Variants in RALYL observed in about 807,000 individuals in gnomAD.
The protein encoded by RALYL is RALY RNA binding protein like.
RALYL carries 29 observed loss-of-function variants against 35.1 expected under a neutral mutation model. The observed-to-expected ratio is 0.83, with a 90% CI of 0.61 to 1.13. RALYL has a LOEUF of 1.13. Ranked by LOEUF, RALYL falls within the 50% of genes most tolerant of loss-of-function variation. RALYL has a pLI of 0.00. For missense variants in RALYL, 359 were observed against 360.4 expected (o/e 1.00, Z 0.03); for synonymous variants, 120 against 127.6 (o/e 0.94, Z 0.40).
chr8:84,901,869 A>C (rs1403418145), intron 8 of RALYL, among the ~76,000 whole-genome samples: 1 of 152,132 alleles, frequency 6.6e-6, no homozygotes, highest in Non-Finnish European at 1.5e-5. Flanking sequence ...TGAGGGCAAG[A>C]GTGGGAATTT....
chr8:84,412,291 G>T (rs2132193672), intron 1 of RALYL, among the ~76,000 whole-genome samples: 1 of 152,010 alleles, frequency 6.6e-6, no homozygotes, highest in East Asian at 1.9e-4. Context: ...GGCAAGCTGA[G>T]ATTCTTAGAG....
chr8:84,704,340 G>A lies in RALYL; in HGVS notation c.257-70239G>A, dbSNP rs142742029. ...CTCAGGAGGCTGAGGCAGGAGAATCGCTTGAACCTGGGAGGCAGAGTTTGC... is the reference window on the plus strand; with the variant it reads ...CTCAGGAGGCTGAGGCAGGAGAATCACTTGAACCTGGGAGGCAGAGTTTGC... On this transcript the variant is annotated intron_variant, in intron 2 of 8. Transcript: ENST00000521268. 1.2e-4 allele frequency among the ~76,000 whole-genome samples: 18 copies of A among 151,960 alleles called. No individual in the cohort carries two copies. The South Asian group carries it at 3.1e-3, about 26-fold the overall frequency.
intron 1 of RALYL, among the ~76,000 whole-genome samples, chr8:84,221,999 TG>T (rs1264050551): frequency 6.6e-6 from 1 of 152,092 alleles, no homozygotes; most frequent in Non-Finnish European, 1.5e-5. Flanking sequence ...TTAGTATGAC[TG>T]TTTTAAATAT....
At chr8:84,751,162 G>A (rs1334632913) in intron 2 of RALYL, among the ~76,000 whole-genome samples, 1 of 151,996 alleles carries the variant, frequency 6.6e-6, no homozygotes, top group Non-Finnish European at 1.5e-5. Context: ...GAGACACTGG[G>A]GCTTTAGTCT....
chr8:84,440,996 G>T (rs1472548067), intron 1 of RALYL, among the ~76,000 whole-genome samples: 4 of 151,914 alleles, frequency 2.6e-5, no homozygotes, highest in South Asian at 2.1e-4. Context: ...GAAATGAATG[G>T]AATTTTCCAT....
intron 1 of RALYL, among the ~76,000 whole-genome samples, chr8:84,348,920 C>T (rs1343481793): frequency 6.7e-6 from 1 of 149,968 alleles, no homozygotes; most frequent in African/African-American, 2.5e-5. Flanking sequence ...CTGTGATTAA[C>T]TCACCTATGG....
At chr8:84,574,760 A>G (rs1808914271) in intron 2 of RALYL, among the ~76,000 whole-genome samples, 1 of 152,058 alleles carries the variant, frequency 6.6e-6, no homozygotes, top group African/African-American at 2.4e-5. Context: ...AGGTGATTTT[A>G]GTAACTCTGT....
chr8:84,540,299 G>T, intron 2 of RALYL, among the ~76,000 whole-genome samples: 1 of 149,052 alleles, frequency 6.7e-6, no homozygotes, highest in Non-Finnish European at 1.5e-5. Flanking sequence ...TGTTATTATT[G>T]TTTATCATAG....
intron 1 of RALYL, among the ~76,000 whole-genome samples, chr8:84,396,545 G>A (rs890704915): frequency 1.3e-5 from 2 of 151,974 alleles, no homozygotes; most frequent in African/African-American, 4.8e-5. Flanking sequence ...CTGTGGACTA[G>A]AAGGAAAAAT....
chr8:84,288,441 T>G lies in RALYL; in HGVS notation c.-24+104017T>G, dbSNP rs548337124. Among the ~76,000 whole-genome samples the G allele has an allele frequency of 2.0e-5, 3 of 152,220 alleles. No homozygotes were observed. In the South Asian group the frequency reaches 6.2e-4, roughly 32 times the overall value. On this transcript the variant is annotated intron_variant, in intron 1 of 8. Transcript: ENST00000521268. ...TTCAAACTGTGACAGGGCCTCATTTTTCAATGGCTTAGCTTGTTATTTAAG... is the reference window on the plus strand; with the variant it reads ...TTCAAACTGTGACAGGGCCTCATTTGTCAATGGCTTAGCTTGTTATTTAAG...
intron 2 of RALYL, among the ~76,000 whole-genome samples, chr8:84,568,484 A>G (rs1022503722): frequency 5.3e-5 from 8 of 149,782 alleles, no homozygotes; most frequent in African/African-American, 2.0e-4. Context: ...AGTCTTTGCT[A>G]TTGTGAATAA....
chr8:84,292,726 C>T (rs886188489), intron 1 of RALYL, among the ~76,000 whole-genome samples: 2 of 152,146 alleles, frequency 1.3e-5, no homozygotes, highest in African/African-American at 4.8e-5. Context: ...CAGAAAGTTA[C>T]TTTATATGGT....
chr8:84,618,541 C>A (rs1489522572), intron 2 of RALYL, among the ~76,000 whole-genome samples: 1 of 133,350 alleles, frequency 7.5e-6, no homozygotes, highest in Non-Finnish European at 1.6e-5. Flanking sequence ...TTTCAAAAAA[C>A]CAGCTCCTGG....
chr8:84,454,329 AC>A (rs2133251099), intron 1 of RALYL, among the ~76,000 whole-genome samples: 1 of 139,284 alleles, frequency 7.2e-6, no homozygotes, highest in African/African-American at 2.5e-5. Flanking sequence ...GGTAGGGCAA[AC>A]CTTTTTTAAA....
At chr8:84,426,401 C>T (rs1380206500) in intron 1 of RALYL, among the ~76,000 whole-genome samples, 6 of 150,760 alleles carry the variant, frequency 4.0e-5, no homozygotes, top group Non-Finnish European at 7.4e-5. Context: ...CTGCCTCCTG[C>T]CCCTTGTAAC....
intron 2 of RALYL, among the ~76,000 whole-genome samples, chr8:84,745,979 A>G (rs1442843450): frequency 6.6e-6 from 1 of 152,060 alleles, no homozygotes; most frequent in East Asian, 1.9e-4. Flanking sequence ...GTTGCAGGGT[A>G]TCTCTTGATA....
intron 7 of RALYL, among the ~76,000 whole-genome samples, chr8:84,883,090 GCTGATTGTATTTGTTAAA>G (rs1842424935): frequency 1.3e-5 from 2 of 151,904 alleles, no homozygotes; most frequent in Non-Finnish European, 2.9e-5. Context: ...TAACACACAG[GCTGATTGTATTTGTTAAA>G]CTCCTGTGAC....
At chr8:84,365,636 A>G (rs1300260868) in intron 1 of RALYL, among the ~76,000 whole-genome samples, 1 of 152,216 alleles carries the variant, frequency 6.6e-6, no homozygotes, top group African/African-American at 2.4e-5. Flanking sequence ...AGTTACTTAG[A>G]ATGGAAGAAG....
intron 4 of RALYL, among the ~76,000 whole-genome samples, chr8:84,811,346 A>C (rs543959383): frequency 6.6e-6 from 1 of 152,128 alleles, no homozygotes; most frequent in Non-Finnish European, 1.5e-5. Context: ...TAGGACCCCA[A>C]TCCCTTCTAG....
Sources: gnomAD v4.1 joint callset for allele counts (sites outside exome capture counted in the v4.1 genomes callset) on GRCh38, gnomAD v4.1.1 for gene constraint, MANE v1.5 for transcripts, NCBI Gene and HGNC (gene_info 2026-07-23, HGNC 2026-07-21) for gene names.